THSD4: variants seen among roughly 807,000 people sequenced by gnomAD.
THSD4 encodes the protein thrombospondin type 1 domain containing 4, also known as thrombospondin type-1 domain-containing protein 4.
THSD4 carries 69 observed loss-of-function variants against 119.0 expected under a neutral mutation model. That is an observed-to-expected ratio of 0.58 (90% CI 0.48 to 0.71). The LOEUF (loss-of-function observed/expected upper bound fraction) is 0.71, where lower values mean the gene tolerates loss of function less well. Ranked by LOEUF, THSD4 falls within the 30% of genes least tolerant of loss-of-function variation. THSD4 has a pLI of 0.00. For missense variants in THSD4, 1,393 were observed against 1,391.1 expected, an observed-to-expected ratio of 1.00 and a Z score of -0.02; for synonymous variants, 524 against 540.4, an observed-to-expected ratio of 0.97 and a Z score of 0.42.
At chr15:71,500,742 C>A (rs4340285) in intron 7 of THSD4, among the ~76,000 whole-genome samples, 142,977 of 152,330 alleles carry the variant, frequency 0.94, 67,398 homozygotes, top group East Asian at 1. Context: ...CTGTTCTTTC[C>A]CCATTGTGTA....
chr15:71,625,420 C>T (rs545669970), intron 7 of THSD4, among the ~76,000 whole-genome samples: 47 of 152,266 alleles, frequency 3.1e-4, no homozygotes, highest in Middle Eastern at 3.4e-3. Context: ...AAAGAAAGAG[C>T]TTCTTGAGGA....
intron 6 of THSD4, among the ~76,000 whole-genome samples, chr15:71,320,439 T>C (rs1450863253): frequency 1.3e-5 from 2 of 152,236 alleles, no homozygotes; most frequent in East Asian, 1.9e-4. Flanking sequence ...TACTAGCTTC[T>C]GGCAAGCTGA....
chr15:71,430,774 A>AG (rs1250569582), intron 7 of THSD4, among the ~76,000 whole-genome samples: 2 of 146,760 alleles, frequency 1.4e-5, no homozygotes, highest in African/African-American at 2.5e-5. Context: ...AAAAAAAAAA[A>AG]AAAAAAAAAG....
At chr15:71,317,902 G>A (rs762209922) in intron 6 of THSD4, among the ~76,000 whole-genome samples, 1 of 152,078 alleles carries the variant, frequency 6.6e-6, no homozygotes, top group Non-Finnish European at 1.5e-5. Context: ...ACTACCTAAC[G>A]CAGTTGATTA....
intron 4 of THSD4, among the ~76,000 whole-genome samples, chr15:71,217,841 C>T (rs115509949): frequency 7.1e-6 from 1 of 141,478 alleles, no homozygotes; most frequent in African/African-American, 2.6e-5. Flanking sequence ...GGCTAGAGTG[C>T]AGTGGTACCA....
At chr15:71,577,846 G>A (rs191863918) in intron 7 of THSD4, among the ~76,000 whole-genome samples, 10 of 151,338 alleles carry the variant, frequency 6.6e-5, no homozygotes, top group African/African-American at 1.5e-4. Flanking sequence ...TCAGCCTCCC[G>A]AGTAGCTGGG....
intron 6 of THSD4, among the ~76,000 whole-genome samples, chr15:71,405,410 T>C (rs183286752): frequency 1.2e-4 from 19 of 152,370 alleles, no homozygotes; most frequent in African/African-American, 4.6e-4. Flanking sequence ...GCATGGTAGA[T>C]ATGCAAAGTT....
chr15:71,148,791 G>A (rs943709029), intron 2 of THSD4, among the ~76,000 whole-genome samples: 2 of 152,226 alleles, frequency 1.3e-5, no homozygotes, highest in Non-Finnish European at 2.9e-5. Context: ...GTGGTTAAGA[G>A]TCCAGGCCAA....
At chr15:71,626,259 C>T (rs1490325576) in intron 7 of THSD4, among the ~76,000 whole-genome samples, 2 of 152,114 alleles carry the variant, frequency 1.3e-5, no homozygotes, top group Non-Finnish European at 2.9e-5. Context: ...GTAAGAAAAA[C>T]AACATCTGCA....
At chr15:71,697,134 A>G (rs2052181561) in intron 8 of THSD4, among the ~76,000 whole-genome samples, 1 of 152,218 alleles carries the variant, frequency 6.6e-6, no homozygotes, top group Admixed American at 6.5e-5. Flanking sequence ...GCCCACAGAT[A>G]CAAGTTATTG....
At chr15:71,409,896 T>G (rs1465908) in intron 6 of THSD4, among the ~76,000 whole-genome samples, 36,772 of 151,898 alleles carry the variant, frequency 0.24, 5,000 homozygotes, top group East Asian at 0.55. Flanking sequence ...GTTTTTTTTT[T>G]TTTGTTTTTT....
At chr15:71,691,024 G>A (rs934817492) in intron 8 of THSD4, among the ~76,000 whole-genome samples, 3 of 152,210 alleles carry the variant, frequency 2.0e-5, no homozygotes, top group Non-Finnish European at 4.4e-5. Context: ...GGTGAGTCCA[G>A]TGTAACCACA....
intron 7 of THSD4, among the ~76,000 whole-genome samples, chr15:71,535,007 T>A (rs979935397): frequency 1.3e-5 from 2 of 152,184 alleles, no homozygotes; most frequent in Middle Eastern, 3.2e-3. Context: ...ATCATCCAAT[T>A]CACTGATTTC....
chr15:71,343,976 A>G (rs1025106930), intron 6 of THSD4, among the ~76,000 whole-genome samples: 4 of 150,234 alleles, frequency 2.7e-5, no homozygotes, highest in African/African-American at 9.8e-5. Context: ...ACCCTCCCAA[A>G]GTGATGGGGG....
chr15:71,443,882 T>C (rs1206544658), intron 7 of THSD4, among the ~76,000 whole-genome samples: 1 of 152,218 alleles, frequency 6.6e-6, no homozygotes, highest in Non-Finnish European at 1.5e-5. Flanking sequence ...TTTTATGTTA[T>C]CTCATTTCAT....
chr15:71,550,134 G>A (rs968944949), intron 7 of THSD4, among the ~76,000 whole-genome samples: 2 of 152,210 alleles, frequency 1.3e-5, no homozygotes, highest in Non-Finnish European at 2.9e-5. Flanking sequence ...GTACAGATGG[G>A]GCGTATCCCC....
At chr15:71,619,261 C>T (rs575834023) in intron 7 of THSD4, among the ~76,000 whole-genome samples, 4 of 152,224 alleles carry the variant, frequency 2.6e-5, no homozygotes, top group South Asian at 2.1e-4. Flanking sequence ...AATGAGCCAC[C>T]GCGCCTGGTC....
chr15:71,764,066 C>CA lies in THSD4; in HGVS notation c.2590-944dup, dbSNP rs1281922786. Among the ~76,000 whole-genome samples the CA allele has an allele frequency of 6.9e-3, 1,000 of 144,020 alleles. 17 individuals carry two copies. The highest frequency in any genetic ancestry group is 0.024 in the African/African-American group (930 of 39,062). 94.5% of individuals were successfully genotyped at this position (144,020 alleles called of 152,430 possible). On this transcript the variant is annotated intron_variant, in intron 15 of 17. Transcript: ENST00000261862. Reference sequence around the variant, plus strand: ...TGGGTGACAGAGTGAGATCCTGCCTCAAAAAAAAAATAAATAAATAAAAGA... The same window carrying CA: ...TGGGTGACAGAGTGAGATCCTGCCTCAAAAAAAAAAATAAATAAATAAAAGA...
At chr15:71,547,186 C>T in intron 7 of THSD4, 2 of 1,318,362 alleles carry the variant, frequency 1.5e-6, no homozygotes, top group Non-Finnish European at 1.9e-6. Context: ...GTCCCCTCCC[C>T]CAGCCGGGAG....
Sources: gnomAD v4.1 joint callset for allele counts (sites outside exome capture counted in the v4.1 genomes callset) on GRCh38, gnomAD v4.1.1 for gene constraint, MANE v1.5 for transcripts, NCBI Gene and HGNC (gene_info 2026-07-23, HGNC 2026-07-21) for gene names.